The following FANCC variants were observed in gnomAD, a reference collection of about 807,000 sequenced individuals.
FANCC encodes FA complementation group C, also known as Fanconi anemia group C protein.
FANCC carries 55 observed loss-of-function variants against 71.3 expected under a neutral mutation model. That is an observed-to-expected ratio of 0.77 (90% CI 0.62 to 0.97). The LOEUF (loss-of-function observed/expected upper bound fraction) is 0.97, where lower values mean the gene tolerates loss of function less well. Ranked by LOEUF, FANCC falls within the 50% of genes least tolerant of loss-of-function variation. The pLI is 0.00. For synonymous variants in FANCC, 275 were observed against 244.9 expected (o/e 1.12, Z -1.15); for missense variants, 678 against 670.9 (o/e 1.01, Z -0.12).
intron 4 of FANCC, among the ~76,000 whole-genome samples, chr9:95,201,759 C>T (rs768099931): frequency 1.3e-5 from 2 of 152,108 alleles, no homozygotes; most frequent in African/African-American, 2.4e-5. Flanking sequence ...TTCCTTTTTG[C>T]GTAAGAAACA....
At chr9:95,314,489 T>C (rs1196720468) in intron 1 of FANCC, among the ~76,000 whole-genome samples, 5 of 151,968 alleles carry the variant, frequency 3.3e-5, no homozygotes, top group African/African-American at 4.8e-5. Context: ...CCGTCTCTAC[T>C]AAAAATACAA....
rs1834809561 is a variant in FANCC, at chr9:95,302,522, T to C, written c.-79+15004A>G. Among the ~76,000 whole-genome samples, 4 of 152,328 alleles carry C rather than the reference T, an allele frequency of 2.6e-5. No homozygotes were observed. The South Asian group carries it at 8.3e-4, about 32-fold the overall frequency. Reference sequence around the variant, plus strand: ...AATTCAGTGATCCTTCTGACCAAAATTATACTTTTTGTCATCTCAGGAAAT... The same window carrying C: ...AATTCAGTGATCCTTCTGACCAAAACTATACTTTTTGTCATCTCAGGAAAT... On this transcript the variant is annotated intron_variant, in intron 1 of 14. Transcript: ENST00000289081.
chr9:95,213,577 G>T lies in FANCC; in HGVS notation c.345+27072C>A, dbSNP rs959369084. Among the ~76,000 whole-genome samples, 5 of 152,268 alleles carry T rather than the reference G, an allele frequency of 3.3e-5. No individual in the cohort carries two copies. In the South Asian group the frequency reaches 6.2e-4, roughly 19 times the overall value. ...GGAAAAGACAGCCTTTGCAACAAAT[G>T]ATGGTGGGAAATTCTGACTATCCAT... On this transcript the variant is annotated intron_variant, in intron 4 of 14. Coordinates refer to ENST00000289081, the MANE Select transcript of FANCC (RefSeq NM_000136.3).
At chr9:95,154,033 G>T (rs566297972) in intron 6 of FANCC, among the ~76,000 whole-genome samples, 2 of 152,110 alleles carry the variant, frequency 1.3e-5, no homozygotes, top group African/African-American at 4.8e-5. Flanking sequence ...ATCACCTGAG[G>T]TCAGGAGTAC....
chr9:95,286,059 T>C lies in FANCC; in HGVS notation c.-79+31467A>G, dbSNP rs144589166. Among the ~76,000 whole-genome samples, 711 of 152,326 alleles carry C rather than the reference T, an allele frequency of 4.7e-3. 7 individuals are homozygous for C. Among genetic ancestry groups the C allele is most frequent in the Middle Eastern group, 0.027 (8 of 294 alleles). Reference sequence around the variant, plus strand: ...GTACGGAAAACTGCTTATGTTAGACTTAAATGTAAGACTATAAAAAGCTAT... The same window carrying C: ...GTACGGAAAACTGCTTATGTTAGACCTAAATGTAAGACTATAAAAAGCTAT... On this transcript the variant is annotated intron_variant, in intron 1 of 14. Coordinates refer to ENST00000289081, the MANE Select transcript of FANCC (RefSeq NM_000136.3).
At chr9:95,256,449 C>T (rs1318130457) in intron 1 of FANCC, among the ~76,000 whole-genome samples, 3 of 152,058 alleles carry the variant, frequency 2.0e-5, no homozygotes, top group Non-Finnish European at 2.9e-5. Flanking sequence ...GTTTCATAAG[C>T]GAAGGAGAAA....
chr9:95,179,656 T>C (rs567046826), intron 4 of FANCC, among the ~76,000 whole-genome samples: 46 of 152,328 alleles, frequency 3.0e-4, no homozygotes, highest in Middle Eastern at 3.4e-3. Flanking sequence ...CGGTATTCTA[T>C]TCTTAAGAGG....
chr9:95,304,323 T>C (rs1378952919), intron 1 of FANCC, among the ~76,000 whole-genome samples: 1 of 152,138 alleles, frequency 6.6e-6, no homozygotes, highest in Non-Finnish European at 1.5e-5. Flanking sequence ...CCAGGGCGAC[T>C]GCAAAAAAGT....
At chr9:95,247,169 G>A (rs561928124) in intron 3 of FANCC, among the ~76,000 whole-genome samples, 1 of 152,020 alleles carries the variant, frequency 6.6e-6, no homozygotes, top group East Asian at 1.9e-4. Flanking sequence ...CCTCTAATAC[G>A]AAGAGCTCTA....
intron 4 of FANCC, among the ~76,000 whole-genome samples, chr9:95,209,946 A>G (rs1023221262): frequency 3.9e-5 from 6 of 152,216 alleles, no homozygotes; most frequent in African/African-American, 1.4e-4. Context: ...AAATATGCAC[A>G]GAAATATTCA....
intron 1 of FANCC, among the ~76,000 whole-genome samples, chr9:95,265,674 A>C (rs1032428868): frequency 7.2e-5 from 11 of 152,202 alleles, no homozygotes; most frequent in African/African-American, 2.7e-4. Context: ...AATATTAGGA[A>C]GCTTCTTCTT....
chr9:95,142,036 A>G (rs1462957439), intron 7 of FANCC, among the ~76,000 whole-genome samples: 1 of 108,306 alleles, frequency 9.2e-6, no homozygotes, highest in East Asian at 3.2e-4. Context: ...CTTGTCGCCC[A>G]GGCTGGAGTG....
At chr9:95,208,954 CTG>C (rs1221016766) in intron 4 of FANCC, among the ~76,000 whole-genome samples, 1 of 152,172 alleles carries the variant, frequency 6.6e-6, no homozygotes, top group Non-Finnish European at 1.5e-5. Flanking sequence ...TTTTTAGCAT[CTG>C]TGTTTTAGTA....
chr9:95,232,536 T>C (rs1283733298), intron 4 of FANCC, among the ~76,000 whole-genome samples: 3 of 152,250 alleles, frequency 2.0e-5, no homozygotes, highest in Non-Finnish European at 4.4e-5. Flanking sequence ...TATTTATTCA[T>C]AACATCCTTG....
chr9:95,100,193 G>A lies in FANCC; in HGVS notation c.*1514C>T, dbSNP rs964251127. ...TTATATGAAGGCAAGGATCATGATG[G>A]CACGAAGCATGTTATATGAAGGCAA... On this transcript the variant is annotated 3_prime_UTR_variant, in exon 15 of 15. Coordinates refer to ENST00000289081, the MANE Select transcript of FANCC (RefSeq NM_000136.3). 9.0e-6 allele frequency: 2 copies of A among 222,958 alleles called. No homozygotes were observed. The highest frequency in any genetic ancestry group is 1.7e-5 in the Non-Finnish European group (2 of 117,684). The allele number at this position is 222,958 out of a possible 1,614,324, so 13.8% of individuals were successfully genotyped here. A position where few individuals can be genotyped will look rare whatever the true frequency, so the allele number is the denominator to read the frequency against.
chr9:95,264,550 T>A (rs1165277402), intron 1 of FANCC, among the ~76,000 whole-genome samples: 1 of 152,188 alleles, frequency 6.6e-6, no homozygotes, highest in Non-Finnish European at 1.5e-5. Context: ...CTAAGTCTAC[T>A]CATGCCAAAT....
At position 95,163,878 on chromosome 9, in the gene FANCC, C is replaced by T. The variant is rs372448942; in HGVS notation, c.521+7201G>A. Among the ~76,000 whole-genome samples, 9 of 152,124 alleles carry T rather than the reference C, an allele frequency of 5.9e-5. No individual in the cohort carries two copies. The East Asian group carries it at 1.7e-3, about 29-fold the overall frequency. On this transcript the variant is annotated intron_variant, in intron 6 of 14. Transcript: ENST00000289081. ...ACAAAAATAAACAAACAAACAAACC[C>T]CAAAAAAACCATACCCATCTATGAA...
chr9:95,124,769 G>C (rs915104491), intron 10 of FANCC, among the ~76,000 whole-genome samples: 2 of 152,220 alleles, frequency 1.3e-5, no homozygotes, highest in East Asian at 3.9e-4. Flanking sequence ...CAGCCAGGGG[G>C]CAGTGTCCTG....
At chr9:95,269,900 A>G (rs1588391994) in intron 1 of FANCC, among the ~76,000 whole-genome samples, 2 of 152,116 alleles carry the variant, frequency 1.3e-5, no homozygotes, top group East Asian at 3.9e-4. Context: ...ACCAGCGTTC[A>G]GCATATGGAG....
Sources: gnomAD v4.1 joint callset for allele counts (sites outside exome capture counted in the v4.1 genomes callset) on GRCh38, gnomAD v4.1.1 for gene constraint, MANE v1.5 for transcripts, NCBI Gene and HGNC (gene_info 2026-07-23, HGNC 2026-07-21) for gene names.